The following NTRK1 variants were observed in gnomAD, a reference collection of about 807,000 sequenced individuals.
NTRK1 encodes the protein neurotrophic receptor tyrosine kinase 1, also known as high affinity nerve growth factor receptor.
A neutral mutation model predicts 86.8 loss-of-function variants in NTRK1; 62 were observed. The ratio of observed to expected loss-of-function variants is 0.71; its 90% confidence interval spans 0.58 to 0.88. The LOEUF (loss-of-function observed/expected upper bound fraction) is 0.88, where lower values mean the gene tolerates loss of function less well. Among genes scored for constraint, NTRK1 ranks in the 40% least tolerant of loss-of-function variants. NTRK1 has a pLI of 0.00. For missense variants in NTRK1, 967 were observed against 1,078.4 expected, an observed-to-expected ratio of 0.90 and a Z score of 1.45; for synonymous variants, 469 against 456.6, an observed-to-expected ratio of 1.03 and a Z score of -0.35.
At position 156,877,727 on chromosome 1, in the gene NTRK1, G is replaced by A. The variant is rs1355299607; in HGVS notation, c.1805+1155G>A. 2.0e-5 allele frequency among the ~76,000 whole-genome samples: 3 copies of A among 152,350 alleles called. No homozygotes were observed. In the East Asian group the frequency reaches 5.8e-4, roughly 29 times the overall value. ...GGGGGCTGTGGTTCTGGATGAGCAA[G>A]CGCTGTATGGTTGTCCAGTTGATGG... On this transcript the variant is annotated intron_variant, in intron 14 of 16. Transcript: ENST00000524377.
chr1:156,881,248 A>G (rs1426663168), intron 16 of NTRK1, among the ~76,000 whole-genome samples: 1 of 152,182 alleles, frequency 6.6e-6, no homozygotes, highest in African/African-American at 2.4e-5. Context: ...CAAGCTTCCC[A>G]TAGTCGAGCC....
intron 1 of NTRK1, chr1:156,840,754 A>G: frequency 1.3e-6 from 1 of 769,724 alleles, no homozygotes. Context: ...TCTCTGCCCC[A>G]CCCTCGGCCA....
rs1399833926 is a variant in NTRK1 at position 156,880,168 on chromosome 1, G to A, written c.2205+11G>A. 1 of 1,612,450 alleles carries A rather than the reference G, an allele frequency of 6.2e-7. No individual in the cohort carries two copies. Among genetic ancestry groups the A allele is most frequent in the Non-Finnish European group, 8.5e-7 (1 of 1,179,946 alleles). ...CTCTCCAACACGGAGGTCAGCCCCG[G>A]CCCATGGTCACCCCTTGCTGGCCTC... On this transcript the variant is annotated intron_variant, in intron 16 of 16. Coordinates refer to ENST00000524377, the MANE Select transcript of NTRK1 (RefSeq NM_002529.4).
At chr1:156,871,189 T>C (rs551045813) in intron 6 of NTRK1, among the ~76,000 whole-genome samples, 26 of 152,212 alleles carry the variant, frequency 1.7e-4, no homozygotes, top group Non-Finnish European at 3.4e-4. Context: ...TGGCTGGTTT[T>C]AGTTTCAGTT....
Position 156,844,777 on chromosome 1 carries a change from C to G in NTRK1, c.50+2584C>G, listed in dbSNP as rs761731236. On this transcript the variant is annotated intron_variant, in intron 2 of 16. Coordinates refer to the NTRK1 transcript ENST00000392302. ...GTTGGGGTCTGGTGGCTCGAGCCAGCGCAGAAGGACACTGTTCTTGCTGGA... is the reference window on the plus strand; with the variant it reads ...GTTGGGGTCTGGTGGCTCGAGCCAGGGCAGAAGGACACTGTTCTTGCTGGA... 1.9e-6 allele frequency: 3 copies of G among 1,614,130 alleles called. No individual in the cohort carries two copies. In the South Asian group the frequency reaches 3.3e-5, roughly 18 times the overall value.
chr1:156,815,809 A>T (rs1653849916), exon 1 of NTRK1: 1 of 1,613,900 alleles, frequency 6.2e-7, no homozygotes. Context: ...GCAGTAAGGG[A>T]GTGAGTGGGC....
chr1:156,852,161 G>A (rs746418230), intron 2 of NTRK1: 2 of 1,606,608 alleles, frequency 1.2e-6, no homozygotes, highest in East Asian at 2.2e-5. Context: ...GCCCCTCGCT[G>A]TGCAAGCCAT....
intron 2 of NTRK1, chr1:156,845,331 C>T (rs371814243): frequency 6.2e-6 from 10 of 1,609,246 alleles, no homozygotes; most frequent in Non-Finnish European, 6.8e-6. Context: ...GGCCCAGCCC[C>T]CAAAGCCACG....
chr1:156,845,566 C>T (rs1654966612), intron 2 of NTRK1: 1 of 1,492,792 alleles, frequency 6.7e-7, no homozygotes, highest in Non-Finnish European at 9.0e-7. Context: ...CAAGACCCGC[C>T]CCTCACAGGC....
upstream of NTRK1, among the ~76,000 whole-genome samples, chr1:156,860,306 C>G (rs1655573003): frequency 6.6e-6 from 1 of 152,254 alleles, no homozygotes; most frequent in Non-Finnish European, 1.5e-5. Context: ...GCTCTCCGGA[C>G]TCCCTTCGGC....
At chr1:156,830,374 C>T (rs1654436368) in intron 1 of NTRK1, among the ~76,000 whole-genome samples, 1 of 152,060 alleles carries the variant, frequency 6.6e-6, no homozygotes, top group African/African-American at 2.4e-5. Context: ...TCTGGTGTGC[C>T]TCGACATTTC....
chr1:156,842,473 T>G, intron 2 of NTRK1: 2 of 1,614,126 alleles, frequency 1.2e-6, no homozygotes, highest in South Asian at 2.2e-5. Context: ...TGACCAGAGT[T>G]GGCTGGCCCT....
At chr1:156,879,734 C>T (rs538942004) in intron 15 of NTRK1, among the ~76,000 whole-genome samples, 7 of 152,116 alleles carry the variant, frequency 4.6e-5, no homozygotes, top group Admixed American at 3.3e-4. Flanking sequence ...TTCAGCCTCC[C>T]GAGTAGCTGG....
At chr1:156,853,703 G>T in intron 2 of NTRK1, 1 of 1,539,270 alleles carries the variant, frequency 6.5e-7, no homozygotes. Flanking sequence ...AGCCCCATGT[G>T]ACCCTGCTCT....
Position 156,881,727 on chromosome 1 carries a change from G to A in NTRK1, c.*85G>A. The A allele has an allele frequency of 7.3e-7, 1 of 1,364,292 alleles. No individual in the cohort carries two copies. Among genetic ancestry groups the A allele is most frequent in the Admixed American group, 2.7e-5 (1 of 36,984 alleles). The allele number at this position is 1,364,292 out of a possible 1,614,324, so 84.5% of individuals were successfully genotyped here. Reference sequence around the variant, plus strand: ...CCCCATAGCTCCCAGCAGCCCCAGGGTGATCTCAAAGTATCTAATTCACCC... The same window carrying A: ...CCCCATAGCTCCCAGCAGCCCCAGGATGATCTCAAAGTATCTAATTCACCC... On this transcript the variant is annotated 3_prime_UTR_variant, in exon 17 of 17. Coordinates refer to ENST00000524377, the MANE Select transcript of NTRK1 (RefSeq NM_002529.4).
intron 2 of NTRK1, chr1:156,845,868 T>G: frequency 6.3e-7 from 1 of 1,598,548 alleles, no homozygotes; most frequent in Non-Finnish European, 8.5e-7. Context: ...CCGCCTCTGA[T>G]CCCCCCCACC....
intron 2 of NTRK1, among the ~76,000 whole-genome samples, chr1:156,847,339 G>A (rs12144562): frequency 0.047 from 7,101 of 152,328 alleles, 227 homozygotes; most frequent in Non-Finnish European, 0.063. Flanking sequence ...GGGGCCAGAG[G>A]CAACTAGTGC....
At chr1:156,828,247 T>C (rs1388146012) in intron 1 of NTRK1, among the ~76,000 whole-genome samples, 2 of 152,356 alleles carry the variant, frequency 1.3e-5, no homozygotes, top group Middle Eastern at 3.4e-3. Flanking sequence ...TTTACTTGAA[T>C]AGACAATAAA....
chr1:156,863,336 G>C (rs1655769205), intron 1 of NTRK1, among the ~76,000 whole-genome samples: 1 of 151,782 alleles, frequency 6.6e-6, no homozygotes, highest in Admixed American at 6.6e-5. Flanking sequence ...TTCTCTTTCA[G>C]TGTCTCTGTT....
Sources: allele counts gnomAD v4.1 joint callset (sites outside exome capture counted in the v4.1 genomes callset), GRCh38; gene constraint gnomAD v4.1.1; transcripts MANE v1.5; gene names NCBI Gene and HGNC (gene_info 2026-07-23, HGNC 2026-07-21).